GXYLT2: variants seen among roughly 807,000 people sequenced by gnomAD.
GXYLT2 encodes glucoside xylosyltransferase 2, also known as glycosyltransferase 8 domain containing 4.
Under a neutral mutation model 45.8 loss-of-function variants are expected in GXYLT2, and 53 were observed. The observed-to-expected ratio is 1.16, with a 90% CI of 0.93 to 1.46. The LOEUF is 1.46. Ranked by LOEUF, GXYLT2 falls within the 40% of genes most tolerant of loss-of-function variation. The pLI, the probability that GXYLT2 is intolerant of heterozygous loss-of-function variation, is 0.00. For missense variants in GXYLT2, 551 were observed against 544.4 expected, an observed-to-expected ratio of 1.01 and a Z score of -0.12; for synonymous variants, 219 against 214.2, an observed-to-expected ratio of 1.02 and a Z score of -0.19.
rs113535399 is a variant in GXYLT2, at chr3:72,891,902, AT to A, written c.275+3405del. On this transcript the variant is annotated intron_variant, in intron 1 of 6. Transcript: ENST00000389617. ...CAAGAGGAAAGGTTTATCAAGAGAG[AT>A]TTTTTTTTTTCATGAAACTGAATGA... Among the ~76,000 whole-genome samples, 1,198 of 148,746 alleles carry A rather than the reference AT, an allele frequency of 8.1e-3. 11 individuals carry two copies. Among genetic ancestry groups the A allele is most frequent in the East Asian group, 0.027 (137 of 5,096 alleles).
In GXYLT2 at chr3:72,932,031, T is replaced by G. The variant is rs55746201; in HGVS notation, c.600+9696T>G. On this transcript the variant is annotated intron_variant, in intron 3 of 6. Transcript: ENST00000389617. ...ATTTCAATCAATTAGGTAATTTAGA[T>G]GAAATGGACAAATTTGAATTCTGTG... Among the ~76,000 whole-genome samples the G allele has an allele frequency of 4.3e-3, 655 of 152,024 alleles. 3 individuals carry two copies. Among genetic ancestry groups the G allele is most frequent in the African/African-American group, 0.015 (618 of 41,486 alleles).
chr3:72,909,427 A>G (rs1709576366), intron 2 of GXYLT2, among the ~76,000 whole-genome samples: 1 of 151,932 alleles, frequency 6.6e-6, no homozygotes, highest in African/African-American at 2.4e-5. Context: ...AGACATGCAT[A>G]TGTATAATTA....
At chr3:72,956,115 G>GT (rs1368695410) in intron 4 of GXYLT2, among the ~76,000 whole-genome samples, 1 of 152,134 alleles carries the variant, frequency 6.6e-6, no homozygotes, top group Non-Finnish European at 1.5e-5. Flanking sequence ...ATGGGGCATG[G>GT]TGTCACGTGG....
chr3:72,955,637 T>C (rs1485363840), intron 4 of GXYLT2, among the ~76,000 whole-genome samples: 2 of 152,234 alleles, frequency 1.3e-5, no homozygotes, highest in East Asian at 1.9e-4. Flanking sequence ...CTTCAAAGAC[T>C]ATGTAAAATT....
chr3:72,918,807 A>C (rs1028281333), intron 2 of GXYLT2, among the ~76,000 whole-genome samples: 1 of 152,148 alleles, frequency 6.6e-6, no homozygotes, highest in Non-Finnish European at 1.5e-5. Context: ...CAGCTTGGGC[A>C]ACAGAGCAAG....
intron 3 of GXYLT2, among the ~76,000 whole-genome samples, chr3:72,928,697 C>A (rs1354135865): frequency 6.6e-6 from 1 of 151,970 alleles, no homozygotes; most frequent in African/African-American, 2.4e-5. Context: ...TAACAGATAT[C>A]ACAGACTAGC....
intron 2 of GXYLT2, among the ~76,000 whole-genome samples, chr3:72,908,955 G>A (rs1423227285): frequency 6.6e-6 from 1 of 151,956 alleles, no homozygotes; most frequent in Non-Finnish European, 1.5e-5. Context: ...TGCCCAGGTT[G>A]GCTTAAGCAG....
At chr3:72,950,731 A>G (rs1344238985) in intron 3 of GXYLT2, among the ~76,000 whole-genome samples, 3 of 152,214 alleles carry the variant, frequency 2.0e-5, no homozygotes, top group African/African-American at 7.2e-5. Context: ...AAAACTTTTA[A>G]CCACCAAGTC....
chr3:72,898,602 T>C (rs1709340303), intron 1 of GXYLT2, among the ~76,000 whole-genome samples: 1 of 152,166 alleles, frequency 6.6e-6, no homozygotes, highest in Admixed American at 6.5e-5. Flanking sequence ...GAAGGTAGAG[T>C]TGGCAAAGGT....
intron 3 of GXYLT2, among the ~76,000 whole-genome samples, chr3:72,925,282 A>G (rs1338735920): frequency 6.6e-6 from 1 of 150,744 alleles, no homozygotes; most frequent in Non-Finnish European, 1.5e-5. Context: ...TCAATCCCCC[A>G]AGTAGCTGGG....
intron 3 of GXYLT2, among the ~76,000 whole-genome samples, chr3:72,939,832 C>T (rs1226772639): frequency 6.6e-6 from 1 of 152,022 alleles, no homozygotes; most frequent in Non-Finnish European, 1.5e-5. Flanking sequence ...CAGGCATGCA[C>T]CACCACACCT....
chr3:72,916,870 C>G (rs1275752722), intron 2 of GXYLT2, among the ~76,000 whole-genome samples: 1 of 151,634 alleles, frequency 6.6e-6, no homozygotes, highest in East Asian at 1.9e-4. Flanking sequence ...TATTGTAAAC[C>G]AGCCAAACCC....
In GXYLT2 at chr3:72,955,315, TGAATTTAACTCGGATAA is replaced by T; in HGVS notation, c.822_838del (p.Asn274LysfsTer73). 6.2e-7 allele frequency: 1 copy of T among 1,614,002 alleles called. No homozygotes were observed. The highest frequency in any genetic ancestry group is 1.3e-5 in the African/African-American group (1 of 75,060). On this transcript the variant is annotated frameshift_variant, in exon 4 of 7. Transcript: ENST00000389617. LOFTEE classifies it high-confidence loss of function. ...GGAGTTAATTCAGGAGTCATGTTAA[TGAATTTAACTCGGATAA>T]GAAGTACCCAGTTCAAGGTAAACGA...
chr3:72,974,709 A>G (rs946151951), intron 6 of GXYLT2, among the ~76,000 whole-genome samples: 3 of 152,066 alleles, frequency 2.0e-5, no homozygotes, highest in South Asian at 2.1e-4. Context: ...CGGCCTCTCA[A>G]AGTGCTGGGG....
At chr3:72,949,019 G>A (rs925531517) in intron 3 of GXYLT2, among the ~76,000 whole-genome samples, 5 of 152,040 alleles carry the variant, frequency 3.3e-5, no homozygotes, top group Admixed American at 1.3e-4. Context: ...AGACATTTTG[G>A]AGGTAGAGCC....
At chr3:72,921,699 G>T (rs1183779739) in intron 2 of GXYLT2, among the ~76,000 whole-genome samples, 1 of 152,146 alleles carries the variant, frequency 6.6e-6, no homozygotes, top group East Asian at 1.9e-4. Flanking sequence ...AAAGTGCTGG[G>T]ATTACAGGCA....
intron 2 of GXYLT2, among the ~76,000 whole-genome samples, chr3:72,912,010 TA>T (rs1378683469): frequency 5.4e-4 from 69 of 128,244 alleles, no homozygotes; most frequent in African/African-American, 2.0e-3. Flanking sequence ...TATATATATA[TA>T]TATTTTTTTT....
At chr3:72,972,501 C>A (rs1272763844) in intron 6 of GXYLT2, among the ~76,000 whole-genome samples, 1 of 151,628 alleles carries the variant, frequency 6.6e-6, no homozygotes, top group East Asian at 1.9e-4. Flanking sequence ...ATCAGCCGGG[C>A]GTGGTGGCAG....
intron 3 of GXYLT2, among the ~76,000 whole-genome samples, chr3:72,931,456 C>T (rs149740490): frequency 5.6e-4 from 85 of 152,112 alleles, no homozygotes; most frequent in African/African-American, 2.0e-3. Flanking sequence ...GTCTCGATCT[C>T]CTGACCTCGT....
Sources: gnomAD v4.1 joint callset for allele counts (sites outside exome capture counted in the v4.1 genomes callset) on GRCh38, gnomAD v4.1.1 for gene constraint, MANE v1.5 for transcripts, NCBI Gene and HGNC (gene_info 2026-07-23, HGNC 2026-07-21) for gene names.